The following MAP3K20 variants were observed in gnomAD, a reference collection of about 807,000 sequenced individuals.
MAP3K20 encodes HCCS-4.
Under a neutral mutation model 85.7 loss-of-function variants are expected in MAP3K20, and 40 were observed. The ratio of observed to expected loss-of-function variants is 0.47; its 90% CI spans 0.36 to 0.61. The LOEUF (loss-of-function observed/expected upper bound fraction) is 0.61. Ranked by LOEUF, MAP3K20 falls within the 20% of genes least tolerant of loss-of-function variation. The probability of loss-of-function intolerance (pLI) is 0.00; values close to 1 mark genes in which losing one functional copy is unlikely to be tolerated. For missense variants in MAP3K20, 817 were observed against 961.7 expected (o/e 0.85, Z 1.99); for synonymous variants, 325 against 327.7 (o/e 0.99, Z 0.09).
chr2:173,207,702 G>A (rs1259882103), intron 9 of MAP3K20: 1 of 148,702 alleles, frequency 6.7e-6, no homozygotes. Context: ...GTATGTAGAT[G>A]CTTCACAAAT....
chr2:173,157,553 T>G (rs1689514947), intron 2 of MAP3K20, among the ~76,000 whole-genome samples: 1 of 152,242 alleles, frequency 6.6e-6, no homozygotes, highest in African/African-American at 2.4e-5. Flanking sequence ...TTTGTAGATT[T>G]CCATAATAAA....
chr2:173,140,897 G>A (rs999168731), intron 2 of MAP3K20, among the ~76,000 whole-genome samples: 8 of 152,000 alleles, frequency 5.3e-5, no homozygotes, highest in African/African-American at 1.9e-4. Flanking sequence ...TGTAAATGTC[G>A]ATTTCTATTG....
chr2:173,148,280 C>G lies in MAP3K20; in HGVS notation c.160-21525C>G, dbSNP rs1337142274. On this transcript the variant is annotated intron_variant, in intron 2 of 19. Coordinates refer to ENST00000375213, the MANE Select transcript of MAP3K20 (RefSeq NM_016653.3). Reference sequence around the variant, plus strand: ...CCTTAAGTGGACATGTTTTTGGCCTCTGTACTGAAATCTCTTAGTATTCTC... The same window carrying G: ...CCTTAAGTGGACATGTTTTTGGCCTGTGTACTGAAATCTCTTAGTATTCTC... 2.0e-5 allele frequency among the ~76,000 whole-genome samples: 3 copies of G among 152,148 alleles called. No individual in the cohort carries two copies. In the East Asian group the frequency reaches 5.8e-4, roughly 29 times the overall value.
At chr2:173,156,248 A>G (rs1024324954) in intron 2 of MAP3K20, among the ~76,000 whole-genome samples, 6 of 152,204 alleles carry the variant, frequency 3.9e-5, no homozygotes, top group Non-Finnish European at 8.8e-5. Flanking sequence ...GATTTGTTAT[A>G]AAACTCTATC....
intron 2 of MAP3K20, among the ~76,000 whole-genome samples, chr2:173,092,385 T>C (rs1687326510): frequency 6.6e-6 from 1 of 152,246 alleles, no homozygotes; most frequent in African/African-American, 2.4e-5. Flanking sequence ...AAGTAATAAA[T>C]CCATGTCTTA....
intron 10 of MAP3K20, chr2:173,215,751 T>G (rs1684054232): frequency 6.6e-6 from 1 of 152,244 alleles, no homozygotes; most frequent in Non-Finnish European, 1.5e-5. Context: ...ATGCCTGAAC[T>G]TTTTGTTTTC....
chr2:173,242,801 G>A (rs773671394), intron 16 of MAP3K20, among the ~76,000 whole-genome samples: 1 of 148,250 alleles, frequency 6.7e-6, no homozygotes, highest in Non-Finnish European at 1.5e-5. Context: ...CCGCCTCCCA[G>A]GTTCAAGCAA....
intron 1 of MAP3K20, 131 bp downstream of exon 1, chr2:173,076,133 TCCTCGGGGCTCC>T: frequency 1.6e-6 from 1 of 606,518 alleles, no homozygotes; most frequent in Non-Finnish European, 2.1e-6. Context: ...CTCGGGAGGC[TCCTCGGGGCTCC>T]CCTCCCCGAC....
chr2:173,215,791 T>C (rs1299995124), intron 10 of MAP3K20: 1 of 152,236 alleles, frequency 6.6e-6, no homozygotes, highest in East Asian at 1.9e-4. Flanking sequence ...GTAAGAGCAT[T>C]GGAATGTTCC....
intron 2 of MAP3K20, among the ~76,000 whole-genome samples, chr2:173,148,498 T>A (rs971401947): frequency 2.0e-5 from 3 of 152,214 alleles, no homozygotes; most frequent in Admixed American, 1.3e-4. Flanking sequence ...GTGAGTAGAA[T>A]GGGTCCTGGT....
intron 2 of MAP3K20, among the ~76,000 whole-genome samples, chr2:173,111,066 T>C (rs1687961219): frequency 6.6e-6 from 1 of 152,214 alleles, no homozygotes; most frequent in African/African-American, 2.4e-5. Flanking sequence ...AAGTGTTCCC[T>C]GTTCACCACA....
chr2:173,151,565 AAGGCCT>A (rs1689308702), intron 2 of MAP3K20, among the ~76,000 whole-genome samples: 1 of 152,216 alleles, frequency 6.6e-6, no homozygotes, highest in African/African-American at 2.4e-5. Context: ...ACTGTATACA[AAGGCCT>A]AGGCATATGT....
intron 2 of MAP3K20, among the ~76,000 whole-genome samples, chr2:173,167,713 A>G (rs529086215): frequency 6.6e-6 from 1 of 152,302 alleles, no homozygotes; most frequent in Non-Finnish European, 1.5e-5. Context: ...GATCAATCCT[A>G]TCTCCTCAAG....
At chr2:173,161,469 A>G (rs1689656259) in intron 2 of MAP3K20, among the ~76,000 whole-genome samples, 1 of 152,248 alleles carries the variant, frequency 6.6e-6, no homozygotes, top group Non-Finnish European at 1.5e-5. Context: ...TAGGCTCTCC[A>G]TAATTATTTA....
chr2:173,243,623 T>C (rs1236087247), intron 16 of MAP3K20, among the ~76,000 whole-genome samples: 1 of 152,094 alleles, frequency 6.6e-6, no homozygotes, highest in East Asian at 1.9e-4. Flanking sequence ...TTATGTTTTT[T>C]TGTTTGTTTT....
At chr2:173,228,815 A>ACTT (rs10623322) in intron 11 of MAP3K20, among the ~76,000 whole-genome samples, 134,890 of 151,848 alleles carry the variant, frequency 0.89, 60,690 homozygotes, top group Middle Eastern at 0.97. Flanking sequence ...ACCAAACTCA[A>ACTT]CTTTTTTTTG....
intron 1 of MAP3K20, among the ~76,000 whole-genome samples, chr2:173,081,918 C>G (rs1687025048): frequency 6.6e-6 from 1 of 151,814 alleles, no homozygotes; most frequent in Non-Finnish European, 1.5e-5. Context: ...CTCCCACTCC[C>G]ACTCTACACC....
chr2:173,138,218 C>G (rs1219030403), intron 2 of MAP3K20, among the ~76,000 whole-genome samples: 2 of 152,126 alleles, frequency 1.3e-5, no homozygotes, highest in Non-Finnish European at 2.9e-5. Flanking sequence ...TTTCGCCCGC[C>G]TCGGCCTCCC....
chr2:173,222,236 A>G (rs1473313399), intron 11 of MAP3K20: 2 of 985,736 alleles, frequency 2.0e-6, no homozygotes, highest in East Asian at 1.1e-4. Context: ...AATTGATAGT[A>G]CAAAATCCAA....
Sources: gnomAD v4.1 joint callset for allele counts (sites outside exome capture counted in the v4.1 genomes callset) on GRCh38, gnomAD v4.1.1 for gene constraint, MANE v1.5 for transcripts, NCBI Gene and HGNC (gene_info 2026-07-23, HGNC 2026-07-21) for gene names.